Variants in HLCS observed in about 807,000 individuals in gnomAD.
HLCS encodes the protein holocarboxylase synthetase, also known as biotin--protein ligase.
A neutral mutation model predicts 75.0 loss-of-function variants in HLCS; 53 were observed. The ratio of observed to expected loss-of-function variants is 0.71; its 90% confidence interval spans 0.57 to 0.89. The LOEUF is 0.89. Ranked by LOEUF, HLCS falls within the 40% of genes least tolerant of loss-of-function variation. HLCS has a pLI of 0.00. For synonymous variants in HLCS, 431 were observed against 428.6 expected (o/e 1.01, Z -0.07); for missense variants, 966 against 1,074.0 (o/e 0.90, Z 1.41).
chr21:36,891,280 T>G (rs898621697), intron 6 of HLCS, among the ~76,000 whole-genome samples: 4 of 152,194 alleles, frequency 2.6e-5, no homozygotes, highest in African/African-American at 9.6e-5. Flanking sequence ...CCTTGACACG[T>G]GAGCCAACGC....
At chr21:36,953,064 G>T (rs2067747497) in intron 2 of HLCS, among the ~76,000 whole-genome samples, 1 of 152,194 alleles carries the variant, frequency 6.6e-6, no homozygotes, top group African/African-American at 2.4e-5. Context: ...CAATGAAATG[G>T]GAGCAGAAGT....
intron 6 of HLCS, among the ~76,000 whole-genome samples, chr21:36,824,619 G>C (rs568747289): frequency 1.3e-5 from 2 of 152,184 alleles, no homozygotes; most frequent in African/African-American, 4.8e-5. Flanking sequence ...ACAAAACTCT[G>C]ATGCCATCTC....
chr21:36,873,913 TG>T (rs1419784971), intron 6 of HLCS, among the ~76,000 whole-genome samples: 2 of 152,246 alleles, frequency 1.3e-5, no homozygotes, highest in Non-Finnish European at 2.9e-5. Flanking sequence ...AATTTTTAAA[TG>T]AAGTCTAACA....
intron 10 of HLCS, among the ~76,000 whole-genome samples, chr21:36,756,186 C>G (rs984129285): frequency 6.6e-6 from 1 of 152,022 alleles, no homozygotes; most frequent in East Asian, 1.9e-4. Context: ...CACCTGTAAT[C>G]CCAGCACTTT....
intron 6 of HLCS, among the ~76,000 whole-genome samples, chr21:36,793,442 C>T (rs1807005): frequency 0.05 from 7,561 of 152,058 alleles, 309 homozygotes; most frequent in South Asian, 0.19. Context: ...GCTGGGATTA[C>T]AGGCATGCAC....
At chr21:36,986,006 T>C (rs2069221619) in intron 1 of HLCS, among the ~76,000 whole-genome samples, 1 of 152,200 alleles carries the variant, frequency 6.6e-6, no homozygotes, top group Admixed American at 6.5e-5. Context: ...TGGCATCTTA[T>C]TCCCCAGTGC....
Position 36,920,192 on chromosome 21 carries a change from G to C in HLCS, c.1620+10059C>G, listed in dbSNP as rs137981174. Among the ~76,000 whole-genome samples, 40 of 152,204 alleles carry C rather than the reference G, an allele frequency of 2.6e-4. No individual in the cohort carries two copies. In the East Asian group the frequency reaches 7.6e-3, roughly 29 times the overall value. On this transcript the variant is annotated intron_variant, in intron 5 of 10. Transcript: ENST00000674895. The stretch of plus-strand genomic sequence containing the variant: ...ACAAAACACAAAAGTAAAATAGCCA[G>C]GTATGGCGATATGTGCCTGTAGTCC...
At chr21:36,781,844 TA>T (rs2060544311) in intron 6 of HLCS, among the ~76,000 whole-genome samples, 1 of 152,200 alleles carries the variant, frequency 6.6e-6, no homozygotes, top group South Asian at 2.1e-4. Context: ...TACAAGTCAG[TA>T]AATTATCCAC....
chr21:36,781,312 T>C lies in HLCS; in HGVS notation c.1893-14027A>G, dbSNP rs184288172. ...GTATTTTTAGTCTAAGTGCATTAAA[T>C]GTATAAATTAACTTGGGGAGAACTG... On this transcript the variant is annotated intron_variant, in intron 6 of 10. Coordinates refer to ENST00000674895, the MANE Select transcript of HLCS (RefSeq NM_001352514.2). Among the ~76,000 whole-genome samples, 599 of 150,528 alleles carry C rather than the reference T, an allele frequency of 4.0e-3. 5 individuals carry two copies. The highest frequency in any genetic ancestry group is 0.014 in the African/African-American group (554 of 40,982).
At chr21:36,776,235 A>G (rs2145816243) in intron 6 of HLCS, among the ~76,000 whole-genome samples, 1 of 152,252 alleles carries the variant, frequency 6.6e-6, no homozygotes, top group East Asian at 1.9e-4. Flanking sequence ...ACTTTTTACC[A>G]TATATGTTTT....
At chr21:36,934,817 G>T (rs2066805614) in intron 4 of HLCS, among the ~76,000 whole-genome samples, 1 of 152,084 alleles carries the variant, frequency 6.6e-6, no homozygotes, top group African/African-American at 2.4e-5. Flanking sequence ...TTTATTTTTT[G>T]ATCTCAGTAA....
intron 2 of HLCS, among the ~76,000 whole-genome samples, chr21:36,948,903 A>G (rs1310900704): frequency 6.6e-6 from 1 of 152,130 alleles, no homozygotes. Flanking sequence ...GACTGACAAG[A>G]TGCTCAGGGA....
At chr21:36,866,133 C>T (rs114205961) in intron 6 of HLCS, among the ~76,000 whole-genome samples, 3 of 123,620 alleles carry the variant, frequency 2.4e-5, no homozygotes, top group East Asian at 4.7e-4. Flanking sequence ...ACATTTTATA[C>T]CTTTCAATCT....
In HLCS at chr21:36,926,796, G is replaced by T. The variant is rs1421839266; in HGVS notation, c.1620+3455C>A. Reference sequence around the variant, plus strand: ...CTCACTCTGTTGCCCAGGCTGGAGTGCAGTGGCACAATCATAGCTCACTAC... The same window carrying T: ...CTCACTCTGTTGCCCAGGCTGGAGTTCAGTGGCACAATCATAGCTCACTAC... On this transcript the variant is annotated intron_variant, in intron 5 of 10. Coordinates refer to ENST00000674895, the MANE Select transcript of HLCS (RefSeq NM_001352514.2). Among the ~76,000 whole-genome samples the T allele has an allele frequency of 2.1e-5, 3 of 144,140 alleles. No homozygotes were observed. In the South Asian group the frequency reaches 6.6e-4, roughly 31 times the overall value. 94.6% of individuals were successfully genotyped at this position (144,140 alleles called of 152,430 possible).
chr21:36,797,844 T>G (rs1269432320), intron 6 of HLCS, among the ~76,000 whole-genome samples: 1 of 152,216 alleles, frequency 6.6e-6, no homozygotes, highest in Non-Finnish European at 1.5e-5. Flanking sequence ...AACACTGGTT[T>G]ATTGAGCATT....
Position 36,764,092 on chromosome 21 carries a change from T to C in HLCS, c.2121+920A>G, listed in dbSNP as rs548450300. ...AGTCCAACAATCAAATCTCATCCAG[T>C]GCTTCAAACAAAAAACAAACATGCA... On this transcript the variant is annotated intron_variant, in intron 8 of 10. Transcript: ENST00000674895. Among the ~76,000 whole-genome samples, 36 of 152,336 alleles carry C rather than the reference T, an allele frequency of 2.4e-4. No individual in the cohort carries two copies. The Middle Eastern group carries it at 0.02, about 86-fold the overall frequency.
In HLCS at chr21:36,757,175, G is replaced by A. The variant is rs536631631; in HGVS notation, c.2237-420C>T. Among the ~76,000 whole-genome samples the A allele has an allele frequency of 3.9e-5, 6 of 152,276 alleles. No homozygotes were observed. In the South Asian group the frequency reaches 8.3e-4, roughly 21 times the overall value. On this transcript the variant is annotated intron_variant, in intron 9 of 10. Coordinates refer to ENST00000674895, the MANE Select transcript of HLCS (RefSeq NM_001352514.2). ...CTCCTGCTTGAATAACAGATCCCAC[G>A]CTTGAAAATAGAGTTTTATTCAGGA...
chr21:36,750,072 A>G lies in HLCS; in HGVS notation c.*4174T>C, dbSNP rs1335336314. ...TCAGGACGGCCAGGGCTGAGTGTGA[A>G]GTCAGCAGAGCTGTTACTGTGGCAA... is the stretch of plus-strand genomic sequence containing the variant. On this transcript the variant is annotated 3_prime_UTR_variant, in exon 11 of 11. Coordinates refer to ENST00000674895, the MANE Select transcript of HLCS (RefSeq NM_001352514.2). Among the ~76,000 whole-genome samples the G allele has an allele frequency of 2.6e-5, 4 of 152,264 alleles. No homozygotes were observed. Among genetic ancestry groups the G allele is most frequent in the Admixed American group, 2.6e-4 (4 of 15,292 alleles).
At chr21:36,964,695 A>G (rs996920048) in intron 1 of HLCS, among the ~76,000 whole-genome samples, 3 of 152,232 alleles carry the variant, frequency 2.0e-5, no homozygotes, top group Non-Finnish European at 2.9e-5. Context: ...CTGCACAGGT[A>G]GGCAAGGGCT....
Sources: gnomAD v4.1 joint callset for allele counts (sites outside exome capture counted in the v4.1 genomes callset) on GRCh38, gnomAD v4.1.1 for gene constraint, MANE v1.5 for transcripts, NCBI Gene and HGNC (gene_info 2026-07-23, HGNC 2026-07-21) for gene names.